The following ARRDC3 variants were observed in gnomAD, a reference collection of about 807,000 sequenced individuals.
ARRDC3 encodes arrestin domain-containing protein 3.
A neutral mutation model predicts 47.2 loss-of-function variants in ARRDC3; 10 were observed. The ratio of observed to expected loss-of-function variants is 0.21; its 90% confidence interval spans 0.13 to 0.36. The LOEUF (loss-of-function observed/expected upper bound fraction) is 0.36, where lower values mean the gene tolerates loss of function less well. ARRDC3 is among the 10% of genes least tolerant of loss of function. ARRDC3 has a pLI of 1.00. For synonymous variants in ARRDC3, 156 were observed against 178.3 expected (o/e 0.87, Z 1.00); for missense variants, 381 against 503.6 (o/e 0.76, Z 2.33).
At chr5:91,378,589 G>A (rs1799360207) in intron 2 of ARRDC3, 105 bp downstream of exon 2, 2 of 688,106 alleles carry the variant, frequency 2.9e-6, no homozygotes, top group South Asian at 2.2e-5. Context: ...GTAATGAAAA[G>A]GGTTTTTTTT....
chr5:91,371,420 G>C lies in ARRDC3; in HGVS notation c.1225C>G (p.Pro409Ala). ...TTCCTTCAACGAGAGGGGCAGGATG[G>C]TCTATCATCTGCTGACTGATCAGGA... Reference protein sequence around the residue: ...PNPDQSADDRPSCPSR With the variant: ...PNPDQSADDRASCPSR The change falls in exon 8 of 8, where the codon CCA becomes GCA. Residue 409 changes from proline (P) to alanine (A), a missense_variant. Physicochemically the swap from Pro to Ala is conservative, Grantham distance 27. Coordinates refer to ENST00000265138, the MANE Select transcript of ARRDC3 (RefSeq NM_020801.4). 1 of 1,613,512 alleles carries C rather than the reference G, an allele frequency of 6.2e-7. No individual in the cohort carries two copies. The highest frequency in any genetic ancestry group is 8.5e-7 in the Non-Finnish European group (1 of 1,179,612).
intron 1 of ARRDC3, chr5:91,380,807 T>G (rs1414058411): frequency 2.0e-5 from 3 of 152,298 alleles, no homozygotes. Context: ...GCGTCTGCCC[T>G]CTACTCAGTT....
At chr5:91,378,563 C>A (rs1449961442) in intron 2 of ARRDC3, 131 bp downstream of exon 2, 1 of 599,778 alleles carries the variant, frequency 1.7e-6, no homozygotes, top group Non-Finnish European at 2.9e-6. Flanking sequence ...ATATTGTTTT[C>A]CTCTAGCAAG....
Position 91,374,269 on chromosome 5 carries a change from A to G in ARRDC3, c.878T>C (p.Val293Ala), listed in dbSNP as rs1312909617. Residue 293 changes from valine to alanine, a missense_variant, in exon 6 of 8, where the codon GTG becomes GCG. Coordinates refer to ENST00000265138, the MANE Select transcript of ARRDC3 (RefSeq NM_020801.4). ...IRVEYSLMVY[V>A]DIPGAMDLFL... ...TAAATCCATAGCTCCAGGAATATCC[A>G]CATATACCTAAACATTGCAAAGAAA... The G allele has an allele frequency of 1.2e-6, 2 of 1,611,512 alleles. No homozygotes were observed. The highest frequency in any genetic ancestry group is 1.7e-6 in the Non-Finnish European group (2 of 1,178,550).
rs183683610 is a variant in ARRDC3, at chr5:91,374,791, G to A, written c.870+131C>T. On this transcript the variant is annotated intron_variant, in intron 5 of 7. Transcript: ENST00000265138. The stretch of plus-strand genomic sequence containing the variant: ...GTCCCAACTACTTGGGAGCTGAGGT[G>A]GGAGGATCACTGGAGCCCAGAAAGC... 1.9e-5 allele frequency: 17 copies of A among 898,390 alleles called. No homozygotes were observed. The East Asian group carries it at 4.2e-4, about 22-fold the overall frequency. The allele number at this position is 898,390 out of a possible 1,614,324, so 55.7% of individuals were successfully genotyped here. A position where few individuals can be genotyped will look rare whatever the true frequency, so the allele number is the denominator to read the frequency against.
intron 1 of ARRDC3, among the ~76,000 whole-genome samples, chr5:91,382,519 A>C: frequency 6.6e-6 from 1 of 152,366 alleles, no homozygotes; most frequent in African/African-American, 2.4e-5. Flanking sequence ...ACTGAATTGG[A>C]TTCAAACAGA....
chr5:91,378,513 T>C (rs547759034), intron 2 of ARRDC3, among the ~76,000 whole-genome samples, 181 bp downstream of exon 2: 1 of 152,222 alleles, frequency 6.6e-6, no homozygotes, highest in South Asian at 2.1e-4. Context: ...TTTCTATAAT[T>C]TTGCCACGCT....
In ARRDC3 at chr5:91,371,125, G is replaced by T; in HGVS notation, c.*275C>A. On this transcript the variant is annotated 3_prime_UTR_variant, in exon 8 of 8. Coordinates refer to ENST00000265138, the MANE Select transcript of ARRDC3 (RefSeq NM_020801.4). ...AAATCATCCCTCTTTACAACGTGAT[G>T]TCTTGACACGTACGACCATAGGCTA... 1 of 361,774 alleles carries T rather than the reference G, an allele frequency of 2.8e-6. No homozygotes were observed. The highest frequency in any genetic ancestry group is 5.0e-6 in the Non-Finnish European group (1 of 199,874). 22.4% of individuals were successfully genotyped at this position (361,774 alleles called of 1,614,324 possible). A position where few individuals can be genotyped will look rare whatever the true frequency, so the allele number is the denominator to read the frequency against.
chr5:91,380,230 CGCT>C (rs1039625203), intron 1 of ARRDC3: 13 of 163,770 alleles, frequency 7.9e-5, no homozygotes, highest in African/African-American at 3.1e-4. Context: ...CCGCCGCCGC[CGCT>C]GCCGCCCGCG....
chr5:91,381,735 A>G (rs939772514), intron 1 of ARRDC3, among the ~76,000 whole-genome samples: 4 of 152,200 alleles, frequency 2.6e-5, no homozygotes, highest in Non-Finnish European at 4.4e-5. Flanking sequence ...TGCATTAAAA[A>G]GGAGAGGCAC....
rs1799310126 is a variant in ARRDC3 at position 91,376,672 on chromosome 5, C to G, written c.459G>C (p.Lys153Asn). ...TATGCTCAAAGACTGTAAATTCCTTCTTTAATTTTACTGGTAGTAGCCAAG... is the reference window on the plus strand; with the variant it reads ...TATGCTCAAAGACTGTAAATTCCTTGTTTAATTTTACTGGTAGTAGCCAAG... The part of the protein sequence containing the change: ...HRPWLLPVKL[K>N]KEFTVFEHID... Residue 153 changes from lysine (K) to asparagine (N), a missense_variant, in exon 3 of 8, where the codon AAG (lysine) becomes AAC (asparagine). Coordinates refer to ENST00000265138, the MANE Select transcript of ARRDC3 (RefSeq NM_020801.4). 1.2e-6 allele frequency: 2 copies of G among 1,613,444 alleles called. No homozygotes were observed. The highest frequency in any genetic ancestry group is 1.1e-5 in the South Asian group (1 of 91,068).
At chr5:91,377,997 A>G (rs1041939434) in intron 2 of ARRDC3, among the ~76,000 whole-genome samples, 1 of 152,102 alleles carries the variant, frequency 6.6e-6, no homozygotes, top group African/African-American at 2.4e-5. Flanking sequence ...AGGTTTTAAT[A>G]TTTGTTAAAA....
rs1799312168 is a variant in ARRDC3, at chr5:91,376,738, A to C, written c.393T>G (p.His131Gln). 6.2e-7 allele frequency: 1 copy of C among 1,613,862 alleles called. No homozygotes were observed. Among genetic ancestry groups the C allele is most frequent in the Admixed American group, 1.7e-5 (1 of 59,990 alleles). ...TPLATSFEGR[H>Q]GSVRYWVKAE... is the part of the protein sequence containing the mutation. Reference sequence around the variant, plus strand: ...CTTTCACCCAATAGCGCACACTGCCATGTCGGCCTTCGAATGAGGTAGCGA... The same window carrying C: ...CTTTCACCCAATAGCGCACACTGCCCTGTCGGCCTTCGAATGAGGTAGCGA... The change falls in exon 3 of 8, where the codon CAT becomes CAG. Residue 131 changes from histidine (H) to glutamine (Q), a missense_variant. Coordinates refer to ENST00000265138, the MANE Select transcript of ARRDC3 (RefSeq NM_020801.4).
In ARRDC3 at chr5:91,383,126, G is replaced by A. The variant is rs765041082; in HGVS notation, c.-34C>T. On this transcript the variant is annotated 5_prime_UTR_variant, in exon 1 of 8. Coordinates refer to ENST00000265138, the MANE Select transcript of ARRDC3 (RefSeq NM_020801.4). ...CAAAATCTATAAAAATATAATGTAA[G>A]ACAAAAAAGTCAAGATCGCATATAA... The A allele has an allele frequency of 2.6e-6, 4 of 1,539,096 alleles. No individual in the cohort carries two copies. Among genetic ancestry groups the A allele is most frequent in the Non-Finnish European group, 2.6e-6 (3 of 1,143,878 alleles).
At chr5:91,376,884 A>G (rs150894158) in intron 2 of ARRDC3, 116 bp from the exon 3 acceptor site, 1 of 1,026,044 alleles carries the variant, frequency 9.7e-7, no homozygotes, top group African/African-American at 1.7e-5. Flanking sequence ...TGAGGTATCA[A>G]ACATATAATT....
intron 1 of ARRDC3, 111 bp from the exon 2 acceptor site, chr5:91,378,886 GCTT>G: frequency 1.8e-6 from 1 of 568,926 alleles, no homozygotes; most frequent in South Asian, 3.0e-5. Flanking sequence ...CACAAAACAA[GCTT>G]TGGAGTCTGA....
chr5:91,377,940 T>C (rs992917414), intron 2 of ARRDC3, among the ~76,000 whole-genome samples: 1 of 152,124 alleles, frequency 6.6e-6, no homozygotes, highest in Admixed American at 6.5e-5. Flanking sequence ...CAAAATCTTA[T>C]GTAATCTGTT....
intron 4 of ARRDC3, 120 bp from the exon 5 acceptor site, chr5:91,375,298 T>G (rs2127070070): frequency 1.8e-6 from 2 of 1,129,060 alleles, no homozygotes; most frequent in Non-Finnish European, 2.5e-6. Context: ...TCCCAGGAAC[T>G]GCAAATAACT....
chr5:91,383,122 G>A lies in ARRDC3; in HGVS notation c.-30C>T, dbSNP rs759226182. The stretch of plus-strand genomic sequence containing the variant: ...ATAACAAAATCTATAAAAATATAAT[G>A]TAAGACAAAAAAGTCAAGATCGCAT... On this transcript the variant is annotated 5_prime_UTR_variant, in exon 1 of 8. Coordinates refer to ENST00000265138, the MANE Select transcript of ARRDC3 (RefSeq NM_020801.4). The A allele has an allele frequency of 1.3e-6, 2 of 1,546,334 alleles. No homozygotes were observed. The highest frequency in any genetic ancestry group is 1.2e-5 in the South Asian group (1 of 80,886).
Sources: gnomAD v4.1 joint callset for allele counts (sites outside exome capture counted in the v4.1 genomes callset) on GRCh38, gnomAD v4.1.1 for gene constraint, MANE v1.5 for transcripts, NCBI Gene and HGNC (gene_info 2026-07-23, HGNC 2026-07-21) for gene names.